The following CNN3 variants were observed in gnomAD, a reference collection of about 807,000 sequenced individuals.
CNN3 encodes calponin-3.
A neutral mutation model predicts 39.0 loss-of-function variants in CNN3; 11 were observed. The ratio of observed to expected loss-of-function variants is 0.28; its 90% CI spans 0.18 to 0.47. The LOEUF is 0.47. Among genes scored for constraint, CNN3 ranks in the 20% least tolerant of loss-of-function variants. CNN3 has a pLI of 0.99. For synonymous variants in CNN3, 101 were observed against 138.3 expected (o/e 0.73, Z 1.89); for missense variants, 266 against 403.4 (o/e 0.66, Z 2.92).
At chr1:94,903,270 T>A (rs1670914720) in intron 2 of CNN3, 82 bp from the exon 3 acceptor site, 1 of 1,570,780 alleles carries the variant, frequency 6.4e-7, no homozygotes, top group Non-Finnish European at 8.7e-7. Flanking sequence ...CCCTTTAGCA[T>A]CAGTAAGGGA....
At chr1:94,925,768 A>G (rs1358841666) in intron 1 of CNN3, 32 of 985,306 alleles carry the variant, frequency 3.2e-5, no homozygotes, top group Non-Finnish European at 3.9e-5. Flanking sequence ...CGGGAGGTTA[A>G]TGGGAATTAA....
intron 1 of CNN3, among the ~76,000 whole-genome samples, chr1:94,905,279 A>G (rs1201253853): frequency 1.3e-5 from 2 of 152,218 alleles, no homozygotes; most frequent in Non-Finnish European, 2.9e-5. Flanking sequence ...AAAAGCCACA[A>G]CAGCCTTTTA....
intron 1 of CNN3, among the ~76,000 whole-genome samples, chr1:94,908,915 C>G (rs1450019521): frequency 2.7e-5 from 4 of 150,108 alleles, no homozygotes; most frequent in Non-Finnish European, 3.0e-5. Flanking sequence ...GAGGCTGAGG[C>G]AGGAGGAATC....
chr1:94,901,900 A>T, intron 4 of CNN3, 115 bp from the exon 5 acceptor site: 1 of 757,852 alleles, frequency 1.3e-6, no homozygotes, highest in Non-Finnish European at 2.2e-6. Context: ...AAAAGTATTT[A>T]AGGCTGTTCA....
intron 1 of CNN3, among the ~76,000 whole-genome samples, chr1:94,917,655 A>T (rs898622141): frequency 5.3e-5 from 8 of 152,214 alleles, no homozygotes; most frequent in African/African-American, 1.9e-4. Flanking sequence ...TTTAAAGGAA[A>T]TATCCACCAG....
At chr1:94,924,372 G>C (rs1447996307) in intron 1 of CNN3, 2 of 152,396 alleles carry the variant, frequency 1.3e-5, no homozygotes, top group Admixed American at 6.5e-5. Flanking sequence ...TGTAATCCCA[G>C]CATTTTGGAA....
intron 1 of CNN3, among the ~76,000 whole-genome samples, chr1:94,924,843 C>G (rs890462281): frequency 2.0e-5 from 3 of 152,184 alleles, no homozygotes; most frequent in African/African-American, 4.8e-5. Context: ...CAGGACTGCT[C>G]TGCTGTTAAG....
chr1:94,905,411 A>C lies in CNN3; in HGVS notation c.58-1887T>G, dbSNP rs375033692. On this transcript the variant is annotated intron_variant, in intron 1 of 6. Coordinates refer to ENST00000370206, the MANE Select transcript of CNN3 (RefSeq NM_001839.5). ...AGCCTGAGAGATCCCCTGGCACATA[A>C]TCAGACCACTCCTGGGCTGTTTTCA... Among the ~76,000 whole-genome samples the C allele has an allele frequency of 5.3e-5, 8 of 152,212 alleles. No homozygotes were observed. In the East Asian group the frequency reaches 1.4e-3, roughly 26 times the overall value.
At chr1:94,904,529 CTT>C (rs1444306852) in intron 1 of CNN3, among the ~76,000 whole-genome samples, 1 of 152,074 alleles carries the variant, frequency 6.6e-6, no homozygotes, top group Non-Finnish European at 1.5e-5. Flanking sequence ...GGGTGGATCT[CTT>C]GAGTCAGGAG....
chr1:94,917,512 T>C (rs2101736620), intron 1 of CNN3, among the ~76,000 whole-genome samples: 1 of 152,348 alleles, frequency 6.6e-6, no homozygotes, highest in South Asian at 2.1e-4. Context: ...CTTTTTTCTT[T>C]TTTTAACATC....
intron 1 of CNN3, among the ~76,000 whole-genome samples, chr1:94,922,778 T>C (rs1237319792): frequency 1.3e-5 from 2 of 152,216 alleles, no homozygotes; most frequent in African/African-American, 2.4e-5. Context: ...ACTGGTCCTA[T>C]CTAATTATTA....
At chr1:94,900,242 A>G (rs1670828602) in intron 5 of CNN3, among the ~76,000 whole-genome samples, 1 of 152,216 alleles carries the variant, frequency 6.6e-6, no homozygotes, top group African/African-American at 2.4e-5. Flanking sequence ...TATTACTAAT[A>G]TAAAATCTGT....
chr1:94,916,206 T>C (rs937926906), intron 1 of CNN3, among the ~76,000 whole-genome samples: 1 of 152,122 alleles, frequency 6.6e-6, no homozygotes, highest in Non-Finnish European at 1.5e-5. Context: ...AGGTCACCAG[T>C]GCAGCCTGGG....
Position 94,899,367 on chromosome 1 carries a change from T to A in CNN3, c.648+4A>T, listed in dbSNP as rs1670803458. 1.9e-6 allele frequency: 3 copies of A among 1,612,968 alleles called. No homozygotes were observed. Among genetic ancestry groups the A allele is most frequent in the Non-Finnish European group, 2.5e-6 (3 of 1,179,678 alleles). ...TTGTACACGTATAAAAAGGTATTGC[T>A]TACCTGGCTGGCTCCTTTATTAGTG... is the stretch of plus-strand genomic sequence containing the variant. On this transcript the variant is annotated splice_donor_region_variant and intron_variant, in intron 6 of 6. Coordinates refer to ENST00000370206, the MANE Select transcript of CNN3 (RefSeq NM_001839.5).
At chr1:94,919,823 C>T (rs3789710) in intron 1 of CNN3, among the ~76,000 whole-genome samples, 5 of 152,116 alleles carry the variant, frequency 3.3e-5, no homozygotes, top group Non-Finnish European at 7.3e-5. Flanking sequence ...GCCTTCCCAC[C>T]GCAGACACAG....
intron 1 of CNN3, among the ~76,000 whole-genome samples, chr1:94,921,519 A>C (rs1671443333): frequency 6.6e-6 from 1 of 152,188 alleles, no homozygotes; most frequent in Admixed American, 6.5e-5. Context: ...GATCAGATTC[A>C]TTATGACTTT....
chr1:94,911,873 C>T (rs859048), intron 1 of CNN3, among the ~76,000 whole-genome samples: 42,197 of 152,012 alleles, frequency 0.28, 6,316 homozygotes, highest in Non-Finnish European at 0.31. Context: ...AGTTTGAGCT[C>T]AACTTCGCTA....
At chr1:94,907,666 C>A (rs1206331158) in intron 1 of CNN3, among the ~76,000 whole-genome samples, 1 of 152,174 alleles carries the variant, frequency 6.6e-6, no homozygotes, top group African/African-American at 2.4e-5. Context: ...CAAGACCATC[C>A]TGGCTAACAC....
Position 94,902,175 on chromosome 1 carries a change from A to G in CNN3, c.330T>C (p.Phe110=). 1 of 1,613,418 alleles carries G rather than the reference A, an allele frequency of 6.2e-7. No individual in the cohort carries two copies. Among genetic ancestry groups the G allele is most frequent in the South Asian group, 1.1e-5 (1 of 91,066 alleles). ...GAACCTGGGTCATGTTTCCATTCTC[A>G]AAAAGATCATTTGCTTCGAATATGT... ...PHDIFEANDL[F]ENGNMTQVQT... The change falls in exon 4 of 7, where the codon TTT becomes TTC. Residue 110 remains phenylalanine, a synonymous_variant. Transcript: ENST00000370206.
Sources: allele counts gnomAD v4.1 joint callset (sites outside exome capture counted in the v4.1 genomes callset), GRCh38; gene constraint gnomAD v4.1.1; transcripts MANE v1.5; gene names NCBI Gene and HGNC (gene_info 2026-07-23, HGNC 2026-07-21).